The following TOX3 variants were observed in gnomAD, a reference collection of about 807,000 sequenced individuals.
TOX3 encodes CAG trinucleotide repeat-containing gene F9 protein.
TOX3 carries 22 observed loss-of-function variants against 64.3 expected under a neutral mutation model. The observed-to-expected ratio is 0.34, with a 90% CI of 0.24 to 0.49. The LOEUF (loss-of-function observed/expected upper bound fraction) is 0.49, where lower values mean the gene tolerates loss of function less well. TOX3 is among the 20% of genes least tolerant of loss of function. The pLI is 0.99. For synonymous variants in TOX3, 291 were observed against 273.6 expected (o/e 1.06, Z -0.63); for missense variants, 661 against 714.4 (o/e 0.93, Z 0.85).
At chr16:52,458,636 A>G (rs1259482543) in intron 3 of TOX3, among the ~76,000 whole-genome samples, 2 of 152,220 alleles carry the variant, frequency 1.3e-5, no homozygotes, top group African/African-American at 4.8e-5. Flanking sequence ...CACACTGCAC[A>G]AGGTCTAATT....
chr16:52,534,609 C>T (rs528405187), intron 1 of TOX3, among the ~76,000 whole-genome samples: 1 of 151,578 alleles, frequency 6.6e-6, no homozygotes, highest in South Asian at 2.1e-4. Context: ...GCACTCCAGC[C>T]GGGGCAACAC....
chr16:52,469,505 T>C (rs1020137247), intron 1 of TOX3, among the ~76,000 whole-genome samples: 4 of 152,216 alleles, frequency 2.6e-5, no homozygotes, highest in Non-Finnish European at 4.4e-5. Flanking sequence ...GGTAAAAGAA[T>C]GTCCTTTTTA....
intron 3 of TOX3, among the ~76,000 whole-genome samples, chr16:52,453,253 G>A (rs374606729): frequency 3.3e-5 from 5 of 149,782 alleles, no homozygotes; most frequent in South Asian, 2.1e-4. Flanking sequence ...GTGCCATCTC[G>A]GCTCACTGCA....
At chr16:52,531,098 C>T (rs1962843609) in intron 1 of TOX3, among the ~76,000 whole-genome samples, 2 of 152,094 alleles carry the variant, frequency 1.3e-5, no homozygotes, top group South Asian at 4.2e-4. Context: ...AATTAGAAAT[C>T]GTTAGCCAAA....
At chr16:52,458,958 G>A (rs1960608430) in intron 3 of TOX3, among the ~76,000 whole-genome samples, 1 of 151,908 alleles carries the variant, frequency 6.6e-6, no homozygotes, top group African/African-American at 2.4e-5. Flanking sequence ...AGGGGACACT[G>A]GTAGTCAAAA....
chr16:52,523,195 A>G (rs544048916), intron 1 of TOX3, among the ~76,000 whole-genome samples: 1 of 152,328 alleles, frequency 6.6e-6, no homozygotes, highest in South Asian at 2.1e-4. Flanking sequence ...CAATTGAGCC[A>G]TGCAAATATC....
chr16:52,477,469 C>T (rs1596808811), intron 1 of TOX3, among the ~76,000 whole-genome samples: 3 of 152,280 alleles, frequency 2.0e-5, no homozygotes, highest in Admixed American at 2.0e-4. Flanking sequence ...CAGTGAAGAA[C>T]ACTTCAAGGC....
At chr16:52,455,039 G>A (rs1960475936) in intron 3 of TOX3, among the ~76,000 whole-genome samples, 1 of 152,100 alleles carries the variant, frequency 6.6e-6, no homozygotes, top group Non-Finnish European at 1.5e-5. Flanking sequence ...TCATTTAAAG[G>A]CAAAGCAGCT....
intron 1 of TOX3, among the ~76,000 whole-genome samples, chr16:52,477,953 T>A (rs929382935): frequency 3.9e-5 from 6 of 152,166 alleles, no homozygotes; most frequent in South Asian, 2.1e-4. Flanking sequence ...TCCTCCCACT[T>A]AAGTCTCCCA....
intron 1 of TOX3, among the ~76,000 whole-genome samples, chr16:52,518,432 C>T (rs866016133): frequency 1.3e-4 from 20 of 152,222 alleles, no homozygotes; most frequent in South Asian, 8.3e-4. Context: ...ATTGAATGGC[C>T]TATTCAGGGA....
rs1960940560 is a variant in TOX3 at position 52,468,681 on chromosome 16, C to T, written c.88-107G>A. 4.9e-6 allele frequency: 4 copies of T among 822,364 alleles called. No individual in the cohort carries two copies. The East Asian group carries it at 1.0e-4, about 21-fold the overall frequency. 50.9% of individuals were successfully genotyped at this position (822,364 alleles called of 1,614,324 possible). On this transcript the variant is annotated intron_variant, in intron 1 of 6. Transcript: ENST00000219746. The stretch of plus-strand genomic sequence containing the variant: ...GCTAAATAAAAGAGAGTTTTATCAG[C>T]CCAAATGCAAAACATGACAAAGGTT...
chr16:52,528,956 G>A (rs1419718672), intron 1 of TOX3, among the ~76,000 whole-genome samples: 1 of 152,178 alleles, frequency 6.6e-6, no homozygotes, highest in Non-Finnish European at 1.5e-5. Context: ...GAAACTCTTT[G>A]CAACCACTAG....
intron 6 of TOX3, among the ~76,000 whole-genome samples, chr16:52,443,938 A>G (rs1960080886): frequency 6.6e-6 from 1 of 152,202 alleles, no homozygotes; most frequent in African/African-American, 2.4e-5. Flanking sequence ...TGCCTGACAA[A>G]CATACCTCCC....
intron 1 of TOX3, among the ~76,000 whole-genome samples, chr16:52,495,120 T>C (rs901153646): frequency 6.6e-6 from 1 of 152,172 alleles, no homozygotes; most frequent in Non-Finnish European, 1.5e-5. Flanking sequence ...ATAATACTGG[T>C]GCTAAACTTG....
chr16:52,476,358 T>C (rs748817404), intron 1 of TOX3, among the ~76,000 whole-genome samples: 1 of 152,188 alleles, frequency 6.6e-6, no homozygotes, highest in African/African-American at 2.4e-5. Flanking sequence ...CCATCTGGAC[T>C]AGTTAAAAGT....
At chr16:52,477,366 G>A (rs28617640) in intron 1 of TOX3, among the ~76,000 whole-genome samples, 8,757 of 152,150 alleles carry the variant, frequency 0.058, 721 homozygotes, top group African/African-American at 0.18. Context: ...GAGGAAGGAG[G>A]CAGAGAGAGA....
intron 3 of TOX3, among the ~76,000 whole-genome samples, chr16:52,453,967 T>C (rs1300040994): frequency 6.6e-6 from 1 of 152,214 alleles, no homozygotes; most frequent in Non-Finnish European, 1.5e-5. Flanking sequence ...CACTTTCTAA[T>C]TTAATCCCCT....
Position 52,546,669 on chromosome 16 carries a change from C to G in TOX3, c.55G>C (p.Ala19Pro). 1 of 1,544,338 alleles carries G rather than the reference C, an allele frequency of 6.5e-7. No homozygotes were observed. The highest frequency in any genetic ancestry group is 8.7e-7 in the Non-Finnish European group (1 of 1,148,226). Residue 19 changes from alanine (A) to proline (P), a missense_variant, in exon 1 of 7, where the codon GCG becomes CCG. Ala to Pro is a conservative substitution (Grantham distance 27, BLOSUM62 -1). Around this residue, in one of 3 missense-constraint regions of TOX3, gnomAD observed 259 missense variants for 261.2 expected, o/e 0.99. Transcript: ENST00000219746. ...TAGCCGTAGTACCCCAGGCACTGCG[C>G]GAAGTCCAGGCTGGCAGGGTCCCCG... ...AAGDPASLDFAQCLGYYGYSK... is the reference protein window; with the variant it reads ...AAGDPASLDFPQCLGYYGYSK...
intron 1 of TOX3, among the ~76,000 whole-genome samples, chr16:52,541,757 T>C (rs1740506185): frequency 6.6e-6 from 1 of 152,226 alleles, no homozygotes; most frequent in South Asian, 2.1e-4. Flanking sequence ...AACTATATGC[T>C]AGTCTCTACT....
Sources: gnomAD v4.1 joint callset for allele counts (sites outside exome capture counted in the v4.1 genomes callset) on GRCh38, gnomAD v4.1.1 for gene constraint, gnomAD v4.1.1 regional missense constraint, MANE v1.5 for transcripts, NCBI Gene and HGNC (gene_info 2026-07-23, HGNC 2026-07-21) for gene names.